Variants in SLC9A9 observed in about 807,000 individuals in gnomAD.
SLC9A9 encodes the protein sodium/hydrogen exchanger 9.
SLC9A9 carries 62 observed loss-of-function variants against 77.8 expected under a neutral mutation model. The ratio of observed to expected loss-of-function variants is 0.80; its 90% CI spans 0.65 to 0.98. The LOEUF is 0.98. Ranked by LOEUF, SLC9A9 falls within the 50% of genes least tolerant of loss-of-function variation. The pLI is 0.00. For synonymous variants in SLC9A9, 320 were observed against 283.5 expected (o/e 1.13, Z -1.29); for missense variants, 775 against 774.9 (o/e 1.00, Z 0.00).
rs116665468 is a variant in SLC9A9, at chr3:143,462,438, T to A, written c.1469+4599A>T. On this transcript the variant is annotated intron_variant, in intron 12 of 15. Transcript: ENST00000316549. ...TTACTCACTCTGCAATAGACGTAAG[T>A]CAATGTATGCTAACAAATTTTTTTA... Among the ~76,000 whole-genome samples the A allele has an allele frequency of 8.7e-3, 1,326 of 152,210 alleles. 17 individuals are homozygous for A. Among genetic ancestry groups the A allele is most frequent in the African/African-American group, 0.029 (1,220 of 41,518 alleles).
At chr3:143,502,248 C>A (rs1427470926) in intron 9 of SLC9A9, among the ~76,000 whole-genome samples, 1 of 150,840 alleles carries the variant, frequency 6.6e-6, no homozygotes, top group Non-Finnish European at 1.5e-5. Context: ...CTTTGCTTAG[C>A]AGGGCTTTTG....
chr3:143,457,104 C>T (rs568942432), intron 12 of SLC9A9, among the ~76,000 whole-genome samples: 1 of 152,238 alleles, frequency 6.6e-6, no homozygotes, highest in Admixed American at 6.5e-5. Context: ...TCACTGCAGC[C>T]TGTCTTCCAG....
intron 14 of SLC9A9, chr3:143,344,666 G>A (rs2032207568): frequency 6.6e-6 from 1 of 152,216 alleles, no homozygotes; most frequent in Non-Finnish European, 1.5e-5. Flanking sequence ...TGTCTCAGCT[G>A]TGTGTAGTTT....
intron 4 of SLC9A9, among the ~76,000 whole-genome samples, chr3:143,723,728 T>A (rs1934563709): frequency 6.6e-6 from 1 of 152,138 alleles, no homozygotes; most frequent in South Asian, 2.1e-4. Flanking sequence ...GGGGACCAGT[T>A]TTCCAGATCA....
At chr3:143,842,107 G>A (rs138052663) in intron 1 of SLC9A9, among the ~76,000 whole-genome samples, 6,214 of 151,944 alleles carry the variant, frequency 0.041, 402 homozygotes, top group African/African-American at 0.14. Context: ...CAGGCCGGGC[G>A]CGGTGGCTCA....
In SLC9A9 at chr3:143,794,179, G is replaced by A. The variant is rs116167183; in HGVS notation, c.533+822C>T. 5.2e-3 allele frequency among the ~76,000 whole-genome samples: 796 copies of A among 152,330 alleles called. 3 individuals carry two copies. The highest frequency in any genetic ancestry group is 0.019 in the African/African-American group (772 of 41,562). ...CACTAGAAACTCTGTAAGAGAATGG[G>A]TGGAGGCATGAACCGTGTGTATTTT... is the stretch of plus-strand genomic sequence containing the variant. On this transcript the variant is annotated intron_variant, in intron 4 of 15. Transcript: ENST00000316549.
intron 5 of SLC9A9, among the ~76,000 whole-genome samples, chr3:143,664,374 CA>C (rs2039028772): frequency 6.6e-6 from 1 of 152,170 alleles, no homozygotes; most frequent in Non-Finnish European, 1.5e-5. Flanking sequence ...ACTGCAAAAA[CA>C]TGCCAAATTG....
At chr3:143,375,077 C>T (rs2108493383) in intron 13 of SLC9A9, among the ~76,000 whole-genome samples, 1 of 152,246 alleles carries the variant, frequency 6.6e-6, no homozygotes, top group South Asian at 2.1e-4. Flanking sequence ...CTGAGCTATG[C>T]CAACTGGATT....
At chr3:143,533,240 C>G (rs996013960) in intron 9 of SLC9A9, among the ~76,000 whole-genome samples, 62 of 152,208 alleles carry the variant, frequency 4.1e-4, no homozygotes, top group African/African-American at 1.4e-3. Flanking sequence ...CTCACAGCGA[C>G]CTGGGGGCCT....
chr3:143,824,630 G>T (rs1166336781), intron 2 of SLC9A9, among the ~76,000 whole-genome samples: 1 of 152,144 alleles, frequency 6.6e-6, no homozygotes, highest in East Asian at 1.9e-4. Flanking sequence ...ACTTCGTTTT[G>T]TTCACTACCA....
intron 9 of SLC9A9, among the ~76,000 whole-genome samples, chr3:143,505,626 T>C (rs1196399344): frequency 3.3e-5 from 5 of 152,210 alleles, no homozygotes; most frequent in Non-Finnish European, 4.4e-5. Flanking sequence ...TACCCAGCCC[T>C]CTCCTGTCTC....
At chr3:143,308,480 G>C (rs1182769167) in intron 14 of SLC9A9, among the ~76,000 whole-genome samples, 1 of 152,036 alleles carries the variant, frequency 6.6e-6, no homozygotes, top group African/African-American at 2.4e-5. Flanking sequence ...GGAGGCTGAG[G>C]CAGGAGAATG....
intron 14 of SLC9A9, among the ~76,000 whole-genome samples, chr3:143,347,332 A>C (rs957403135): frequency 6.6e-6 from 1 of 152,242 alleles, no homozygotes; most frequent in Non-Finnish European, 1.5e-5. Context: ...AAAGAAGCAG[A>C]AATAGTTTTG....
At chr3:143,811,604 G>A (rs2008866041) in intron 2 of SLC9A9, 1 of 446,346 alleles carries the variant, frequency 2.2e-6, no homozygotes. Flanking sequence ...CCAGTACTTT[G>A]GGAGGCCGAC....
At chr3:143,723,903 G>T (rs1934569069) in intron 4 of SLC9A9, among the ~76,000 whole-genome samples, 1 of 152,200 alleles carries the variant, frequency 6.6e-6, no homozygotes, top group African/African-American at 2.4e-5. Flanking sequence ...TCGAATTTGA[G>T]AATTTAAGTT....
chr3:143,538,712 G>A (rs1576562689), intron 9 of SLC9A9, among the ~76,000 whole-genome samples: 1 of 152,056 alleles, frequency 6.6e-6, no homozygotes, highest in East Asian at 1.9e-4. Flanking sequence ...TACGTTATAG[G>A]CCCCCATACT....
intron 5 of SLC9A9, among the ~76,000 whole-genome samples, chr3:143,657,614 AT>A (rs1209152833): frequency 2.0e-5 from 3 of 152,228 alleles, no homozygotes; most frequent in African/African-American, 7.2e-5. Flanking sequence ...CAGAGGCTAC[AT>A]GATGCAACAG....
At chr3:143,564,966 C>T (rs1272999009) in intron 8 of SLC9A9, among the ~76,000 whole-genome samples, 4 of 152,146 alleles carry the variant, frequency 2.6e-5, no homozygotes, top group African/African-American at 4.8e-5. Context: ...CCTGGCATGG[C>T]GCCTCAAGTT....
intron 12 of SLC9A9, among the ~76,000 whole-genome samples, chr3:143,400,371 T>C (rs985049386): frequency 2.0e-5 from 3 of 152,112 alleles, no homozygotes; most frequent in African/African-American, 7.2e-5. Flanking sequence ...AGAAAGGAAT[T>C]AATGGCATCC....
Sources: gnomAD v4.1 joint callset for allele counts (sites outside exome capture counted in the v4.1 genomes callset) on GRCh38, gnomAD v4.1.1 for gene constraint, MANE v1.5 for transcripts, NCBI Gene and HGNC (gene_info 2026-07-23, HGNC 2026-07-21) for gene names.